The following ULK4 variants were observed in gnomAD, a reference collection of about 807,000 sequenced individuals.
ULK4 encodes unc-51 like kinase 4.
In ULK4, 133 loss-of-function variants were observed where a neutral mutation model predicts 160.6. That is an observed-to-expected ratio of 0.83 (90% CI 0.72 to 0.96). ULK4 has a LOEUF of 0.96. Ranked by LOEUF, ULK4 falls within the 40% of genes least tolerant of loss-of-function variation. The probability of loss-of-function intolerance (pLI) is 0.00; values close to 1 mark genes in which losing one functional copy is unlikely to be tolerated. For synonymous variants in ULK4, 534 were observed against 539.8 expected (o/e 0.99, Z 0.15); for missense variants, 1,580 against 1,499.5 (o/e 1.05, Z -0.89).
At chr3:41,609,695 GGT>G (rs2032570367) in intron 31 of ULK4, among the ~76,000 whole-genome samples, 1 of 152,254 alleles carries the variant, frequency 6.6e-6, no homozygotes, top group Admixed American at 6.5e-5. Context: ...TCTCTGTCCA[GGT>G]GCAGTGGCTT....
chr3:41,761,014 T>C (rs148280675), intron 21 of ULK4, among the ~76,000 whole-genome samples: 4 of 152,340 alleles, frequency 2.6e-5, no homozygotes, highest in African/African-American at 9.6e-5. Flanking sequence ...TGCAGTATGA[T>C]TCCATTTATA....
At chr3:41,585,555 C>T (rs1409471296) in intron 31 of ULK4, among the ~76,000 whole-genome samples, 3 of 152,032 alleles carry the variant, frequency 2.0e-5, no homozygotes, top group South Asian at 2.1e-4. Flanking sequence ...AGCTCTAAAA[C>T]GATAAAACTT....
chr3:41,512,620 A>T (rs1016012421), intron 32 of ULK4, among the ~76,000 whole-genome samples: 8 of 152,234 alleles, frequency 5.3e-5, no homozygotes, highest in Non-Finnish European at 7.3e-5. Flanking sequence ...GAAAGAAATA[A>T]TAGACAACAC....
chr3:41,875,055 C>G (rs957355781), intron 17 of ULK4, among the ~76,000 whole-genome samples: 22 of 152,104 alleles, frequency 1.4e-4, no homozygotes, highest in Admixed American at 6.5e-5. Context: ...TGATGTGTAC[C>G]TGTAGTCCCA....
chr3:41,275,595 A>G (rs2079215628), intron 35 of ULK4, among the ~76,000 whole-genome samples: 1 of 152,054 alleles, frequency 6.6e-6, no homozygotes, highest in Non-Finnish European at 1.5e-5. Context: ...TGGCTTTAAG[A>G]GAATGGCCAA....
chr3:41,637,575 A>C (rs1337647792), intron 30 of ULK4, among the ~76,000 whole-genome samples: 1 of 152,188 alleles, frequency 6.6e-6, no homozygotes, highest in Non-Finnish European at 1.5e-5. Flanking sequence ...CATTGCTGGA[A>C]CACATGGCAG....
rs141156012 is a variant in ULK4, at chr3:41,496,835, A to G, written c.3227-33582T>C. 4.6e-5 allele frequency among the ~76,000 whole-genome samples: 7 copies of G among 152,274 alleles called. No homozygotes were observed. In the East Asian group the frequency reaches 1.2e-3, roughly 25 times the overall value. On this transcript the variant is annotated intron_variant, in intron 32 of 36. Transcript: ENST00000301831. ...ATCTAAGAAAAGCAACACCTTACTA[A>G]TAGACCCACGATTAGAAAAACAAAA...
At chr3:41,772,572 T>C (rs1437226941) in intron 21 of ULK4, among the ~76,000 whole-genome samples, 3 of 152,186 alleles carry the variant, frequency 2.0e-5, no homozygotes, top group Admixed American at 6.5e-5. Flanking sequence ...ATTGCGGCAA[T>C]AATTAATAGC....
chr3:41,437,260 G>A (rs1055682833), intron 34 of ULK4, among the ~76,000 whole-genome samples: 4 of 152,180 alleles, frequency 2.6e-5, no homozygotes, highest in Non-Finnish European at 5.9e-5. Context: ...TTGGCAGGGA[G>A]GATGGAAGGG....
intron 20 of ULK4, among the ~76,000 whole-genome samples, chr3:41,796,170 G>A (rs534933637): frequency 1.2e-4 from 19 of 152,266 alleles, no homozygotes; most frequent in South Asian, 6.2e-4. Flanking sequence ...GGCCTCCAGC[G>A]GGGAGTGAAT....
intron 21 of ULK4, among the ~76,000 whole-genome samples, chr3:41,759,336 T>TTGG (rs2038911323): frequency 6.6e-6 from 1 of 152,198 alleles, no homozygotes; most frequent in African/African-American, 2.4e-5. Context: ...AACATACCAA[T>TTGG]AATGAACAAT....
chr3:41,899,435 C>G (rs1698275623), intron 13 of ULK4, among the ~76,000 whole-genome samples: 1 of 152,170 alleles, frequency 6.6e-6, no homozygotes, highest in South Asian at 2.1e-4. Flanking sequence ...CTGATTAAGG[C>G]TTCCCAGAAA....
At chr3:41,770,249 G>A (rs558594135) in intron 21 of ULK4, among the ~76,000 whole-genome samples, 111 of 152,016 alleles carry the variant, frequency 7.3e-4, no homozygotes, top group African/African-American at 2.4e-3. Flanking sequence ...GATCTTCCAC[G>A]GTGCTTCCAA....
chr3:41,735,558 G>T (rs6792415), intron 22 of ULK4, among the ~76,000 whole-genome samples: 1 of 151,784 alleles, frequency 6.6e-6, no homozygotes, highest in Non-Finnish European at 1.5e-5. Flanking sequence ...CATGTAAATT[G>T]TAGATATCCA....
At chr3:41,781,417 A>T (rs1385552829) in intron 21 of ULK4, among the ~76,000 whole-genome samples, 1 of 88,600 alleles carries the variant, frequency 1.1e-5, no homozygotes. Context: ...ACTCCATCTT[A>T]AAAAAAAAAA....
intron 34 of ULK4, among the ~76,000 whole-genome samples, chr3:41,404,773 T>C (rs1005795397): frequency 6.6e-6 from 1 of 152,196 alleles, no homozygotes; most frequent in Admixed American, 6.5e-5. Context: ...CCTCTTGCAC[T>C]TCCTTCATGT....
At chr3:41,368,573 T>C (rs1241720746) in intron 35 of ULK4, among the ~76,000 whole-genome samples, 1 of 152,220 alleles carries the variant, frequency 6.6e-6, no homozygotes, top group Non-Finnish European at 1.5e-5. Flanking sequence ...TGTAGATTTG[T>C]AGATTCCACA....
chr3:41,858,486 CATTT>C lies in ULK4; in HGVS notation c.1657-22519_1657-22516del, dbSNP rs376526457. On this transcript the variant is annotated intron_variant, in intron 17 of 36. Transcript: ENST00000301831. The stretch of plus-strand genomic sequence containing the variant: ...TTTTGATATGCTGTATTTACATTAT[CATTT>C]GTTTCCAGAAATTTTTCAATTTTTT... 1.6e-4 allele frequency among the ~76,000 whole-genome samples: 24 copies of C among 147,940 alleles called. 2 individuals carry two copies. The South Asian group carries it at 5.2e-3, about 32-fold the overall frequency.
intron 4 of ULK4, among the ~76,000 whole-genome samples, chr3:41,933,193 C>T (rs1699652930): frequency 6.6e-6 from 1 of 152,156 alleles, no homozygotes; most frequent in Non-Finnish European, 1.5e-5. Context: ...GCACAGACTA[C>T]CAGTCACTAC....
Sources: gnomAD v4.1 joint callset for allele counts (sites outside exome capture counted in the v4.1 genomes callset) on GRCh38, gnomAD v4.1.1 for gene constraint, MANE v1.5 for transcripts, NCBI Gene and HGNC (gene_info 2026-07-23, HGNC 2026-07-21) for gene names.